Variants in SNX25 observed in about 807,000 individuals in gnomAD.
The protein encoded by SNX25 is sorting nexin-25.
In SNX25, 62 loss-of-function variants were observed where a neutral mutation model predicts 113.7. The ratio of observed to expected loss-of-function variants is 0.55; its 90% confidence interval spans 0.44 to 0.67. SNX25 has a LOEUF of 0.67. SNX25 is among the 30% of genes least tolerant of loss of function. SNX25 has a pLI of 0.00. For synonymous variants in SNX25, 421 were observed against 436.2 expected (o/e 0.97, Z 0.43); for missense variants, 1,014 against 1,161.0 (o/e 0.87, Z 1.84).
At chr4:185,307,026 C>G (rs1754564671) in intron 6 of SNX25, among the ~76,000 whole-genome samples, 1 of 152,208 alleles carries the variant, frequency 6.6e-6, no homozygotes, top group Non-Finnish European at 1.5e-5. Context: ...TAATACCTGA[C>G]AGATCATCTT....
intron 13 of SNX25, among the ~76,000 whole-genome samples, chr4:185,349,322 C>G (rs2095304270): frequency 6.6e-6 from 1 of 152,146 alleles, no homozygotes; most frequent in Admixed American, 6.5e-5. Context: ...TGTTGGACGC[C>G]TAAGTTGATG....
chr4:185,349,426 T>C (rs192446596), intron 13 of SNX25, among the ~76,000 whole-genome samples: 1 of 152,324 alleles, frequency 6.6e-6, no homozygotes, highest in East Asian at 1.9e-4. Flanking sequence ...TGGATGTATA[T>C]CCAGTACTGA....
At chr4:185,330,053 CTCAATAG>C (rs1480680495) in intron 9 of SNX25, among the ~76,000 whole-genome samples, 1 of 152,170 alleles carries the variant, frequency 6.6e-6, no homozygotes, top group Non-Finnish European at 1.5e-5. Context: ...CAAAAAGTGG[CTCAATAG>C]TCAAAGACAG....
At chr4:185,369,959 C>G in exon 12 of SNX25, 1 of 267,356 alleles carries the variant, frequency 3.7e-6, no homozygotes, top group Non-Finnish European at 7.4e-6. Flanking sequence ...AAACACTGCT[C>G]TACCAAGTCT....
At chr4:185,220,379 C>T (rs1461197060) in intron 1 of SNX25, among the ~76,000 whole-genome samples, 1 of 151,844 alleles carries the variant, frequency 6.6e-6, no homozygotes, top group Non-Finnish European at 1.5e-5. Context: ...TGTGCTGCAC[C>T]CATTAACTCG....
At chr4:185,282,791 A>C (rs1453746749) in intron 5 of SNX25, among the ~76,000 whole-genome samples, 10 of 152,160 alleles carry the variant, frequency 6.6e-5, no homozygotes, top group Non-Finnish European at 1.2e-4. Context: ...CAATCTGTGC[A>C]CTTTTGATCA....
chr4:185,262,464 C>T (rs763447125), intron 3 of SNX25, among the ~76,000 whole-genome samples: 1 of 152,094 alleles, frequency 6.6e-6, no homozygotes, highest in Non-Finnish European at 1.5e-5. Flanking sequence ...TGTTTTTATT[C>T]GTGTGTTTTC....
chr4:185,251,961 T>C (rs1316303024), intron 2 of SNX25, among the ~76,000 whole-genome samples: 1 of 149,974 alleles, frequency 6.7e-6, no homozygotes, highest in East Asian at 2.0e-4. Context: ...ATACTTTGCT[T>C]TTTTTTTTCT....
In SNX25 at chr4:185,308,393, TC is replaced by T; in HGVS notation, c.1163-2241del. Among the ~76,000 whole-genome samples the T allele has an allele frequency of 2.6e-5, 4 of 152,332 alleles. 1 individual carries two copies. The highest frequency in any genetic ancestry group is 2.6e-4 in the Admixed American group (4 of 15,292). Reference sequence around the variant, plus strand: ...TAACCTAACTCTGATTGCAGACTCTTCTGAAAACTCTCCACTGGATTTGACC... The same window carrying T: ...TAACCTAACTCTGATTGCAGACTCTTTGAAAACTCTCCACTGGATTTGACC... On this transcript the variant is annotated intron_variant, in intron 6 of 18. Coordinates refer to ENST00000652585, the MANE Select transcript of SNX25 (RefSeq NM_001378034.2).
At chr4:185,253,950 T>C (rs553666345) in intron 2 of SNX25, among the ~76,000 whole-genome samples, 3 of 152,230 alleles carry the variant, frequency 2.0e-5, no homozygotes, top group Non-Finnish European at 4.4e-5. Context: ...AGAAATTTTA[T>C]GGAGAACAGA....
chr4:185,227,558 G>A (rs911929859), intron 1 of SNX25, among the ~76,000 whole-genome samples: 5 of 152,222 alleles, frequency 3.3e-5, no homozygotes, highest in African/African-American at 1.2e-4. Context: ...CATCCAGGCA[G>A]CTTCATTATG....
chr4:185,371,982 CG>C (rs2095417684), downstream of SNX25, among the ~76,000 whole-genome samples: 1 of 152,132 alleles, frequency 6.6e-6, no homozygotes, highest in Non-Finnish European at 1.5e-5. Flanking sequence ...TCTGTCTCCC[CG>C]ACCCACTGCT....
At chr4:185,249,161 G>A (rs1369648676) in intron 2 of SNX25, among the ~76,000 whole-genome samples, 1 of 152,154 alleles carries the variant, frequency 6.6e-6, no homozygotes, top group Non-Finnish European at 1.5e-5. Context: ...GGATAAATAG[G>A]AGTAGAATTG....
Position 185,346,509 on chromosome 4 carries a change from A to C in SNX25, c.2188-28A>C, listed in dbSNP as rs781134729. ...TAAGATTAAAATGTAATTTCAAAAT[A>C]CTAACATTTCATTTTTTCCCCCCAC... is the stretch of plus-strand genomic sequence containing the variant. On this transcript the variant is annotated intron_variant, in intron 12 of 18. Coordinates refer to ENST00000652585, the MANE Select transcript of SNX25 (RefSeq NM_001378034.2). 8 of 1,358,198 alleles carry C rather than the reference A, an allele frequency of 5.9e-6. No homozygotes were observed. The Admixed American group carries it at 1.6e-4, about 27-fold the overall frequency. 84.1% of individuals were successfully genotyped at this position (1,358,198 alleles called of 1,614,324 possible).
rs760239828 is a variant in SNX25 at position 185,258,853 on chromosome 4, G to A, written c.520G>A (p.Asp174Asn). Residue 174 changes from aspartate to asparagine, a missense_variant, in exon 3 of 19, where the codon GAC (aspartate) becomes AAC (asparagine). Asp to Asn is a conservative substitution (Grantham distance 23). Coordinates refer to ENST00000652585, the MANE Select transcript of SNX25 (RefSeq NM_001378034.2). ...GCTTTGTTTATTCCTGGTAGTGTTC[G>A]ACTACAGTTATAGAGATTACATTCT... The part of the protein sequence containing the change: ...NMDKALKEVF[D>N]YSYRDYILSW... 1.5e-5 allele frequency: 24 copies of A among 1,609,158 alleles called. No homozygotes were observed. The African/African-American group carries it at 1.7e-4, about 12-fold the overall frequency.
At chr4:185,277,074 G>C (rs544705495) in intron 5 of SNX25, among the ~76,000 whole-genome samples, 1 of 152,084 alleles carries the variant, frequency 6.6e-6, no homozygotes, top group South Asian at 2.1e-4. Flanking sequence ...ACCCAGGCTG[G>C]AGTGCAGTGG....
At chr4:185,228,043 G>T (rs1741275259) in intron 1 of SNX25, among the ~76,000 whole-genome samples, 1 of 152,160 alleles carries the variant, frequency 6.6e-6, no homozygotes, top group Admixed American at 6.5e-5. Flanking sequence ...TGCAGAGGGA[G>T]GACCGAGGGT....
rs1429588275 is a variant in SNX25, at chr4:185,310,577, G to A, written c.1163-58G>A. On this transcript the variant is annotated intron_variant, in intron 6 of 18. Transcript: ENST00000652585. ...GCAGACACTGATCTGGTTCTGAATT[G>A]CTGTGTCCTTTCATGCCTTGTCCTC... 4 of 1,511,392 alleles carry A rather than the reference G, an allele frequency of 2.6e-6. No individual in the cohort carries two copies. The Admixed American group carries it at 7.6e-5, about 29-fold the overall frequency. 93.6% of individuals were successfully genotyped at this position (1,511,392 alleles called of 1,614,324 possible).
chr4:185,327,765 C>G (rs533304152), intron 9 of SNX25, among the ~76,000 whole-genome samples: 1 of 152,254 alleles, frequency 6.6e-6, no homozygotes, highest in East Asian at 1.9e-4. Flanking sequence ...TTAAATAGTT[C>G]AAGATGTAGT....
Sources: gnomAD v4.1 joint callset for allele counts (sites outside exome capture counted in the v4.1 genomes callset) on GRCh38, gnomAD v4.1.1 for gene constraint, MANE v1.5 for transcripts, NCBI Gene and HGNC (gene_info 2026-07-23, HGNC 2026-07-21) for gene names.